The following EIPR1 variants were observed in gnomAD, a reference collection of about 807,000 sequenced individuals.
The protein encoded by EIPR1 is EARP and GARP complex-interacting protein 1.
EIPR1 carries 25 observed loss-of-function variants against 48.1 expected under a neutral mutation model. The ratio of observed to expected loss-of-function variants is 0.52; its 90% CI spans 0.38 to 0.73. The LOEUF (loss-of-function observed/expected upper bound fraction) is 0.73. EIPR1 is among the 30% of genes least tolerant of loss of function. The pLI is 0.00. For synonymous variants in EIPR1, 204 were observed against 201.9 expected, an observed-to-expected ratio of 1.01 and a Z score of -0.09; for missense variants, 415 against 506.2, an observed-to-expected ratio of 0.82 and a Z score of 1.73.
intron 3 of EIPR1, among the ~76,000 whole-genome samples, chr2:3,259,043 T>C (rs10198129): frequency 0.11 from 16,291 of 151,958 alleles, 910 homozygotes; most frequent in African/African-American, 0.14. Context: ...AGTTGGCAAT[T>C]TGGAGTAGGA....
chr2:3,326,310 T>G (rs1669696987), intron 3 of EIPR1, among the ~76,000 whole-genome samples: 3 of 152,180 alleles, frequency 2.0e-5, no homozygotes, highest in Admixed American at 2.0e-4. Flanking sequence ...CAGAGGTTAC[T>G]TGACTGGTCC....
At position 3,194,016 on chromosome 2, in the gene EIPR1, C is replaced by T. The variant is rs1664703770; in HGVS notation, c.804G>A (p.Leu268=). Residue 268 remains leucine (L), a synonymous_variant, in exon 7 of 9, where the codon CTG becomes CTA. Transcript: ENST00000382125. ...GGCCCTACCAGTGGGAGTGCTCCTC[C>T]AGGGTCTTCACGGGTTCGGTGACAT... ...TRNVTEPVKT[L]EEHSHWVWNV... The T allele has an allele frequency of 6.2e-7, 1 of 1,613,644 alleles. No individual in the cohort carries two copies. Among genetic ancestry groups the T allele is most frequent in the Admixed American group, 1.7e-5 (1 of 59,998 alleles).
At chr2:3,299,630 A>T (rs1451225559) in intron 3 of EIPR1, among the ~76,000 whole-genome samples, 10 of 148,946 alleles carry the variant, frequency 6.7e-5, no homozygotes, top group Non-Finnish European at 1.0e-4. Context: ...TCTCTCACAC[A>T]CACACACACA....
At chr2:3,199,804 TG>T (rs543448012) in intron 5 of EIPR1, among the ~76,000 whole-genome samples, 6 of 43,152 alleles carry the variant, frequency 1.4e-4, no homozygotes, top group Admixed American at 6.4e-4. Flanking sequence ...TGGGCACGCA[TG>T]GGGGGGTGTC....
intron 4 of EIPR1, among the ~76,000 whole-genome samples, chr2:3,250,131 C>T (rs1187247754): frequency 6.6e-6 from 1 of 152,200 alleles, no homozygotes; most frequent in African/African-American, 2.4e-5. Flanking sequence ...CTTCTGCCCT[C>T]CAGGCCCAAG....
chr2:3,215,094 C>T (rs764621487), intron 4 of EIPR1, among the ~76,000 whole-genome samples: 10 of 152,168 alleles, frequency 6.6e-5, no homozygotes, highest in African/African-American at 1.7e-4. Flanking sequence ...ATGTTGACGC[C>T]GCCCAGCGTG....
Position 3,209,797 on chromosome 2 carries a change from C to A in EIPR1, c.516+4352G>T, listed in dbSNP as rs565295956. On this transcript the variant is annotated intron_variant, in intron 5 of 8. Transcript: ENST00000382125. ...AACCATCCATACTGTATGGATCCAACTCTGTGACATCCTGGAAAAAGCAAA... is the reference window on the plus strand; with the variant it reads ...AACCATCCATACTGTATGGATCCAAATCTGTGACATCCTGGAAAAAGCAAA... 2.6e-5 allele frequency among the ~76,000 whole-genome samples: 4 copies of A among 152,338 alleles called. No homozygotes were observed. In the East Asian group the frequency reaches 7.7e-4, roughly 29 times the overall value.
chr2:3,284,884 T>C (rs1668130619), intron 3 of EIPR1, among the ~76,000 whole-genome samples: 1 of 152,032 alleles, frequency 6.6e-6, no homozygotes, highest in Admixed American at 6.5e-5. Context: ...CCGGGGTAGA[T>C]CGTGGTGAGG....
chr2:3,194,205 T>G (rs1209458482), intron 6 of EIPR1, 39 bp from the exon 7 acceptor site: 1 of 1,608,384 alleles, frequency 6.2e-7, no homozygotes, highest in African/African-American at 1.3e-5. Context: ...AAATAGTAAA[T>G]GGATTAGGAA....
intron 3 of EIPR1, among the ~76,000 whole-genome samples, chr2:3,258,903 C>G (rs1301614148): frequency 6.6e-6 from 1 of 152,036 alleles, no homozygotes; most frequent in African/African-American, 2.4e-5. Flanking sequence ...ACAGACAGTT[C>G]TGTCTACAAG....
chr2:3,242,893 G>A (rs927812164), intron 4 of EIPR1, among the ~76,000 whole-genome samples: 6 of 152,126 alleles, frequency 3.9e-5, no homozygotes, highest in Non-Finnish European at 7.4e-5. Context: ...CTTTCCACAC[G>A]TGCAAGAAGT....
chr2:3,297,251 G>C (rs1412708768), intron 3 of EIPR1, among the ~76,000 whole-genome samples: 1 of 152,240 alleles, frequency 6.6e-6, no homozygotes, highest in Non-Finnish European at 1.5e-5. Context: ...AGAGGGTGGG[G>C]GCGAGGAAAG....
intron 3 of EIPR1, among the ~76,000 whole-genome samples, chr2:3,315,060 C>A (rs550506971): frequency 6.9e-6 from 1 of 145,472 alleles, no homozygotes; most frequent in Non-Finnish European, 1.5e-5. Flanking sequence ...CCCCCAACAC[C>A]TGTACCCCAC....
intron 3 of EIPR1, among the ~76,000 whole-genome samples, chr2:3,266,449 T>G (rs1033086807): frequency 6.6e-6 from 1 of 152,210 alleles, no homozygotes; most frequent in Non-Finnish European, 1.5e-5. Flanking sequence ...TCGATGGCCT[T>G]TTAAATGCCT....
intron 3 of EIPR1, among the ~76,000 whole-genome samples, chr2:3,322,402 C>G (rs1350162973): frequency 6.6e-6 from 1 of 152,158 alleles, no homozygotes; most frequent in Non-Finnish European, 1.5e-5. Context: ...TTCAAAAAGG[C>G]AAATGACAAT....
intron 4 of EIPR1, among the ~76,000 whole-genome samples, chr2:3,218,439 A>G (rs1203636838): frequency 1.4e-5 from 2 of 141,210 alleles, no homozygotes; most frequent in African/African-American, 5.3e-5. Flanking sequence ...TGCACACCCA[A>G]CACGGCCCCG....
intron 4 of EIPR1, among the ~76,000 whole-genome samples, chr2:3,239,144 G>A (rs1418192957): frequency 6.6e-6 from 1 of 152,236 alleles, no homozygotes; most frequent in Non-Finnish European, 1.5e-5. Flanking sequence ...CACTGGGAGA[G>A]TCTGAGAGTG....
intron 3 of EIPR1, among the ~76,000 whole-genome samples, chr2:3,279,701 C>T (rs958369113): frequency 1.3e-5 from 2 of 152,230 alleles, no homozygotes; most frequent in African/African-American, 4.8e-5. Flanking sequence ...GCACGAGGGT[C>T]GGGACAGCGG....
At chr2:3,364,492 T>C (rs1670928237) in intron 1 of EIPR1, among the ~76,000 whole-genome samples, 1 of 151,764 alleles carries the variant, frequency 6.6e-6, no homozygotes, top group South Asian at 2.1e-4. Flanking sequence ...AAAATTAACC[T>C]GGTGTGATGA....
Sources: allele counts gnomAD v4.1 joint callset (sites outside exome capture counted in the v4.1 genomes callset), GRCh38; gene constraint gnomAD v4.1.1; transcripts MANE v1.5; gene names NCBI Gene and HGNC (gene_info 2026-07-23, HGNC 2026-07-21).